Variants in CDH4 observed in about 807,000 individuals in gnomAD.
The protein encoded by CDH4 is cadherin-4.
A neutral mutation model predicts 86.0 loss-of-function variants in CDH4; 33 were observed. That is an observed-to-expected ratio of 0.38 (90% confidence interval 0.29 to 0.51). The LOEUF (loss-of-function observed/expected upper bound fraction) is 0.51. CDH4 is among the 20% of genes least tolerant of loss of function. The probability of loss-of-function intolerance (pLI) is 0.86; values close to 1 mark genes in which losing one functional copy is unlikely to be tolerated. For missense variants in CDH4, 1,114 were observed against 1,307.4 expected, an observed-to-expected ratio of 0.85 and a Z score of 2.28; for synonymous variants, 555 against 549.4, an observed-to-expected ratio of 1.01 and a Z score of -0.14.
rs1568716968 is a variant in CDH4, at chr20:61,620,294, T to C, written c.170-123269T>C. ...GGGTAGATGGTTGATGGATGGATGA[T>C]AGATGGTAGGTAGATAGGTAGGTAG... is the stretch of plus-strand genomic sequence containing the variant. On this transcript the variant is annotated intron_variant, in intron 2 of 15. Coordinates refer to ENST00000614565, the MANE Select transcript of CDH4 (RefSeq NM_001794.5). Among the ~76,000 whole-genome samples the C allele has an allele frequency of 1.4e-5, 2 of 140,638 alleles. 1 individual carries two copies. The highest frequency in any genetic ancestry group is 4.2e-4 in the East Asian group (2 of 4,742). 92.3% of individuals were successfully genotyped at this position (140,638 alleles called of 152,430 possible). A position where few individuals can be genotyped will look rare whatever the true frequency, so the allele number is the denominator to read the frequency against.
chr20:61,759,456 T>G (rs115529106), intron 3 of CDH4, among the ~76,000 whole-genome samples: 5,343 of 152,210 alleles, frequency 0.035, 321 homozygotes, highest in African/African-American at 0.12. Flanking sequence ...TCAGAGGACA[T>G]GTCACTGAGG....
chr20:61,404,558 G>A lies in CDH4; in HGVS notation c.169+149621G>A, dbSNP rs372786446. On this transcript the variant is annotated intron_variant, in intron 2 of 15. Coordinates refer to ENST00000614565, the MANE Select transcript of CDH4 (RefSeq NM_001794.5). ...AAGAGGAGGCCTGATTATTCCCGAC[G>A]CCACTTGCATTGAGGCACAGAGACA... is the stretch of plus-strand genomic sequence containing the variant. Among the ~76,000 whole-genome samples the A allele has an allele frequency of 3.9e-4, 60 of 152,118 alleles. No individual in the cohort carries two copies. The South Asian group carries it at 0.011, about 28-fold the overall frequency.
intron 8 of CDH4, among the ~76,000 whole-genome samples, chr20:61,895,958 G>A (rs1985086248): frequency 6.6e-6 from 1 of 152,208 alleles, no homozygotes; most frequent in Non-Finnish European, 1.5e-5. Flanking sequence ...GTGCAGAGGG[G>A]AGAGTCAGCG....
chr20:61,361,094 G>T (rs1206843147), intron 2 of CDH4, among the ~76,000 whole-genome samples: 4 of 152,280 alleles, frequency 2.6e-5, no homozygotes, highest in Non-Finnish European at 5.9e-5. Context: ...GCGTCATAGA[G>T]TTGGGAAGGG....
chr20:61,416,829 C>A (rs1026032130), intron 2 of CDH4, among the ~76,000 whole-genome samples: 1 of 152,164 alleles, frequency 6.6e-6, no homozygotes, highest in African/African-American at 2.4e-5. Context: ...GATTTTAGGG[C>A]CTGCAGCTCT....
intron 2 of CDH4, among the ~76,000 whole-genome samples, chr20:61,666,962 A>T (rs538481427): frequency 2.0e-5 from 3 of 152,302 alleles, no homozygotes; most frequent in Middle Eastern, 3.4e-3. Flanking sequence ...CCTCACCCGC[A>T]CACCCGGTCA....
At chr20:61,871,935 C>T (rs1475396572) in intron 6 of CDH4, among the ~76,000 whole-genome samples, 2 of 152,206 alleles carry the variant, frequency 1.3e-5, no homozygotes, top group African/African-American at 2.4e-5. Flanking sequence ...TAGTCAGACA[C>T]ACCCAGGGTT....
chr20:61,458,216 G>A lies in CDH4; in HGVS notation c.169+203279G>A, dbSNP rs187353745. On this transcript the variant is annotated intron_variant, in intron 2 of 15. Transcript: ENST00000614565. ...GGTTATGGTCATGATGTTGATGACA[G>A]TGCTGATGGTGGTGGCAGTGATGGT... is the stretch of plus-strand genomic sequence containing the variant. Among the ~76,000 whole-genome samples the A allele has an allele frequency of 2.0e-4, 30 of 151,788 alleles. 1 individual carries two copies. In the East Asian group the frequency reaches 5.7e-3, roughly 29 times the overall value.
At chr20:61,527,356 T>G (rs1193392583) in intron 2 of CDH4, among the ~76,000 whole-genome samples, 1 of 152,158 alleles carries the variant, frequency 6.6e-6, no homozygotes, top group Non-Finnish European at 1.5e-5. Flanking sequence ...TTCAAGCAAT[T>G]TTCCTGCCTC....
chr20:61,569,374 G>A (rs568826467), intron 2 of CDH4, among the ~76,000 whole-genome samples: 1 of 152,292 alleles, frequency 6.6e-6, no homozygotes, highest in Non-Finnish European at 1.5e-5. Flanking sequence ...AGACAAAGAA[G>A]TCTCTGATTT....
chr20:61,403,770 C>A (rs35063225), intron 2 of CDH4, among the ~76,000 whole-genome samples: 5,775 of 152,140 alleles, frequency 0.038, 145 homozygotes, highest in African/African-American at 0.067. Context: ...TTTTTTGGCA[C>A]AGATAGTAGA....
chr20:61,382,509 A>G (rs546677510), intron 2 of CDH4, among the ~76,000 whole-genome samples: 4 of 152,294 alleles, frequency 2.6e-5, no homozygotes, highest in East Asian at 1.9e-4. Context: ...AGAGTAAGTG[A>G]CACCTTCTAT....
At chr20:61,622,408 G>T (rs1183036241) in intron 2 of CDH4, among the ~76,000 whole-genome samples, 1 of 152,234 alleles carries the variant, frequency 6.6e-6, no homozygotes, top group East Asian at 1.9e-4. Context: ...TACCCCGGGT[G>T]CAAGAAGTGA....
chr20:61,343,066 G>A (rs2084657454), intron 2 of CDH4, among the ~76,000 whole-genome samples: 2 of 152,274 alleles, frequency 1.3e-5, no homozygotes, highest in Middle Eastern at 3.4e-3. Flanking sequence ...GTTATGAAGG[G>A]ACACACTGAT....
chr20:61,616,027 G>A (rs960681939), intron 2 of CDH4, among the ~76,000 whole-genome samples: 10 of 152,222 alleles, frequency 6.6e-5, no homozygotes, highest in East Asian at 1.9e-4. Context: ...GAGCCGCCTC[G>A]TGGCCACGGG....
intron 2 of CDH4, among the ~76,000 whole-genome samples, chr20:61,627,443 C>T (rs192320209): frequency 1.9e-3 from 286 of 152,276 alleles, no homozygotes; most frequent in African/African-American, 6.5e-3. Flanking sequence ...TGGGGTGTTC[C>T]GCAGCCTCCC....
chr20:61,793,909 C>T (rs957208193), intron 4 of CDH4, among the ~76,000 whole-genome samples: 3 of 149,012 alleles, frequency 2.0e-5, no homozygotes, highest in South Asian at 2.1e-4. Flanking sequence ...GAGGCCAAGG[C>T]GGGTAGATCA....
At chr20:61,837,334 G>T (rs1263451590) in intron 4 of CDH4, among the ~76,000 whole-genome samples, 1 of 152,192 alleles carries the variant, frequency 6.6e-6, no homozygotes, top group Non-Finnish European at 1.5e-5. Flanking sequence ...CCTGTGGATG[G>T]CAGGGAGGGA....
intron 2 of CDH4, among the ~76,000 whole-genome samples, chr20:61,545,052 G>A (rs566558195): frequency 2.4e-4 from 36 of 152,334 alleles, no homozygotes; most frequent in Middle Eastern, 3.4e-3. Context: ...GATGGCAGGA[G>A]CGCCCTCGCT....
Sources: gnomAD v4.1 joint callset for allele counts (sites outside exome capture counted in the v4.1 genomes callset) on GRCh38, gnomAD v4.1.1 for gene constraint, MANE v1.5 for transcripts, NCBI Gene and HGNC (gene_info 2026-07-23, HGNC 2026-07-21) for gene names.